Variants in OR7E24 observed in about 807,000 individuals in gnomAD.
OR7E24 encodes olfactory receptor 7E24.
For missense variants in OR7E24, 385 were observed against 410.3 expected (o/e 0.94, Z 0.53); for synonymous variants, 130 against 157.5 (o/e 0.83, Z 1.31).
the OR7E24 span, among the ~76,000 whole-genome samples, chr19:9,224,195 C>T: frequency 1.3e-5 from 2 of 151,964 alleles, no homozygotes; most frequent in Admixed American, 6.6e-5. Flanking sequence ...GCCTCTGGTC[C>T]TGTTTGGGTT....
At chr19:9,223,120 G>C in the OR7E24 span, among the ~76,000 whole-genome samples, 204 of 152,226 alleles carry the variant, frequency 1.3e-3, no homozygotes, top group African/African-American at 4.6e-3. Context: ...TGCATAATTT[G>C]CACCATCCTT....
the OR7E24 span, chr19:9,214,137 T>C: frequency 2.3e-5 from 37 of 1,614,140 alleles, no homozygotes; most frequent in South Asian, 4.1e-4. Flanking sequence ...GGCTTTGTAC[T>C]TGCCCTTGGT....
chr19:9,250,126 A>C (rs114092602), upstream of OR7E24, among the ~76,000 whole-genome samples: 978 of 152,144 alleles, frequency 6.4e-3, 10 homozygotes, highest in African/African-American at 0.023. Context: ...TCAAGGTCTC[A>C]CTCTGCCACT....
the OR7E24 span, among the ~76,000 whole-genome samples, chr19:9,241,601 C>T: frequency 1.3e-5 from 2 of 152,186 alleles, no homozygotes; most frequent in African/African-American, 4.8e-5. Context: ...CCCATCTCTG[C>T]TAAAAATGCA....
chr19:9,228,627 C>G, the OR7E24 span, among the ~76,000 whole-genome samples: 699 of 152,272 alleles, frequency 4.6e-3, 5 homozygotes, highest in Non-Finnish European at 7.5e-3. Context: ...TTCCATGTCA[C>G]CAGAAAATGT....
chr19:9,243,053 T>G (rs183307762), upstream of OR7E24, among the ~76,000 whole-genome samples: 1 of 152,328 alleles, frequency 6.6e-6, no homozygotes, highest in East Asian at 1.9e-4. Context: ...TCATATAGTT[T>G]AATTTTCTTC....
At chr19:9,232,188 C>T in the OR7E24 span, among the ~76,000 whole-genome samples, 2 of 152,022 alleles carry the variant, frequency 1.3e-5, no homozygotes, top group East Asian at 3.9e-4. Flanking sequence ...ACCTGGGGGC[C>T]AGGCGTGTTC....
the OR7E24 span, among the ~76,000 whole-genome samples, chr19:9,228,814 A>T: frequency 6.6e-6 from 1 of 152,228 alleles, no homozygotes; most frequent in Admixed American, 6.5e-5. Flanking sequence ...GTGATGCAAG[A>T]TTAATAAGTT....
At chr19:9,236,261 G>A in the OR7E24 span, 92 of 507,566 alleles carry the variant, frequency 1.8e-4, no homozygotes, top group African/African-American at 1.0e-3. Context: ...ACCTGTAATC[G>A]CAGCACTTTG....
At chr19:9,240,939 T>C in the OR7E24 span, among the ~76,000 whole-genome samples, 35 of 152,226 alleles carry the variant, frequency 2.3e-4, no homozygotes, top group East Asian at 3.1e-3. Context: ...TGCCTCAGCC[T>C]CCCAGGTAGC....
chr19:9,206,623 T>G, the OR7E24 span: 2 of 152,316 alleles, frequency 1.3e-5, no homozygotes, highest in African/African-American at 4.8e-5. Context: ...CAAGTAAAAT[T>G]GTTTTGTTCA....
chr19:9,243,854 C>G (rs2066122503), upstream of OR7E24, among the ~76,000 whole-genome samples: 1 of 152,190 alleles, frequency 6.6e-6, no homozygotes, highest in Non-Finnish European at 1.5e-5. Context: ...CTGCAGAGAC[C>G]AGGGAAGGAG....
chr19:9,210,763 C>T, the OR7E24 span: 3 of 152,074 alleles, frequency 2.0e-5, no homozygotes, highest in Admixed American at 1.3e-4. Context: ...GTGAGATGAG[C>T]TCTTTCTTGA....
In OR7E24 at chr19:9,252,181, T is replaced by C; in HGVS notation, c.*118T>C. ...TTTCGTATGTGAATATTGCTTGCTT[T>C]GTTTTGTCTTTAATTGCAATGGGTG... On this transcript the variant is annotated 3_prime_UTR_variant, in exon 1 of 1. Transcript: ENST00000456448. 2 of 804,688 alleles carry C rather than the reference T, an allele frequency of 2.5e-6. No individual in the cohort carries two copies. The highest frequency in any genetic ancestry group is 3.9e-6 in the Non-Finnish European group (2 of 517,530). The allele number at this position is 804,688 out of a possible 1,614,324, so 49.8% of individuals were successfully genotyped here.
At chr19:9,245,926 T>C (rs1011107188), upstream of OR7E24, among the ~76,000 whole-genome samples, 4 of 152,136 alleles carry the variant, frequency 2.6e-5, no homozygotes, top group African/African-American at 9.7e-5. Flanking sequence ...TCCTTGTCTG[T>C]GCACGGACTG....
At chr19:9,250,544 TA>T (rs1471873809), upstream of OR7E24, among the ~76,000 whole-genome samples, 2 of 152,252 alleles carry the variant, frequency 1.3e-5, no homozygotes, top group Non-Finnish European at 1.5e-5. Flanking sequence ...AACCGTAGAA[TA>T]TAACTGGTAT....
chr19:9,212,192 T>A, the OR7E24 span: 9 of 152,310 alleles, frequency 5.9e-5, no homozygotes, highest in East Asian at 1.7e-3. Context: ...ATCTTTAGAG[T>A]TACAAACAAT....
At chr19:9,237,936 A>G in the OR7E24 span, among the ~76,000 whole-genome samples, 1 of 152,156 alleles carries the variant, frequency 6.6e-6, no homozygotes, top group Admixed American at 6.5e-5. Flanking sequence ...CCAGCAATGT[A>G]TAAAGTTCTA....
chr19:9,232,346 T>C, the OR7E24 span, among the ~76,000 whole-genome samples: 3 of 152,066 alleles, frequency 2.0e-5, no homozygotes, highest in Non-Finnish European at 4.4e-5. Flanking sequence ...GAGACCATCC[T>C]GGCCAACATG....
Sources: gnomAD v4.1 joint callset for allele counts (sites outside exome capture counted in the v4.1 genomes callset) on GRCh38, gnomAD v4.1.1 for gene constraint, MANE v1.5 for transcripts, NCBI Gene and HGNC (gene_info 2026-07-23, HGNC 2026-07-21) for gene names.